The following TMEM161A variants were observed in gnomAD, a reference collection of about 807,000 sequenced individuals.
TMEM161A encodes the protein adaptive response to oxidative stress protein 29.
In TMEM161A, 46 loss-of-function variants were observed where a neutral mutation model predicts 57.1. The ratio of observed to expected loss-of-function variants is 0.81; its 90% CI spans 0.64 to 1.03. The LOEUF (loss-of-function observed/expected upper bound fraction) is 1.03. Among genes scored for constraint, TMEM161A ranks in the 50% least tolerant of loss-of-function variants. The pLI, the probability that TMEM161A is intolerant of heterozygous loss-of-function variation, is 0.00. For synonymous variants in TMEM161A, 288 were observed against 279.0 expected (o/e 1.03, Z -0.32); for missense variants, 601 against 621.5 (o/e 0.97, Z 0.35).
rs1403246850 is a variant in TMEM161A, at chr19:19,120,111, A to G, written c.1259T>C (p.Ile420Thr). 6.4e-7 allele frequency: 1 copy of G among 1,573,052 alleles called. No homozygotes were observed. Among genetic ancestry groups the G allele is most frequent in the Non-Finnish European group, 8.6e-7 (1 of 1,159,574 alleles). The change falls in exon 12 of 12, where the codon ATC (isoleucine) becomes ACC (threonine). Residue 420 changes from isoleucine (I) to threonine (T), a missense_variant. Coordinates refer to ENST00000162044, the MANE Select transcript of TMEM161A (RefSeq NM_017814.3). ...CTGGACTTCGTCCTCCCCAGAGCCG[A>G]TGGGGGCAGCGCTGGCTGAGGATGG... ...PDPSSASAAP[I>T]GSGEDEVQQT...
At position 19,121,734 on chromosome 19, in the gene TMEM161A, T is replaced by G; in HGVS notation, c.656+25A>C. The G allele has an allele frequency of 6.2e-7, 1 of 1,613,502 alleles. No homozygotes were observed. The highest frequency in any genetic ancestry group is 1.1e-5 in the South Asian group (1 of 91,068). The stretch of plus-strand genomic sequence containing the variant: ...GGGAGGGTCCCAGCCTGCCCTTGCC[T>G]CCCTCCCCCATTCCCAGGACTCACG... On this transcript the variant is annotated intron_variant, in intron 7 of 11. Transcript: ENST00000162044. The surrounding 1 kb of genome is among the most constrained non-coding windows in gnomAD (Gnocchi z 5.8).
rs529020342 is a variant in TMEM161A, at chr19:19,125,609, C to T, written c.596-3790G>A. Among the ~76,000 whole-genome samples the T allele has an allele frequency of 6.9e-3, 1,027 of 149,578 alleles. 4 individuals are homozygous for T. The highest frequency in any genetic ancestry group is 0.011 in the Non-Finnish European group (757 of 67,356). ...TTGGCTCACTGCAAGCTCCACCTCCCGGGTTCACGCCATTCTCCTGCCTCA... is the reference window on the plus strand; with the variant it reads ...TTGGCTCACTGCAAGCTCCACCTCCTGGGTTCACGCCATTCTCCTGCCTCA... On this transcript the variant is annotated intron_variant, in intron 6 of 11. Transcript: ENST00000162044.
chr19:19,126,328 T>C (rs981109059), intron 6 of TMEM161A, among the ~76,000 whole-genome samples: 6 of 152,206 alleles, frequency 3.9e-5, no homozygotes, highest in Non-Finnish European at 7.3e-5. Context: ...GATGCATGTA[T>C]GCAGACGGAA....
At chr19:19,133,490 G>T in intron 2 of TMEM161A, 1 of 385,132 alleles carries the variant, frequency 2.6e-6, no homozygotes, top group South Asian at 4.1e-5. Context: ...TTTTCTTTTT[G>T]AGACAGAGTC....
Position 19,123,997 on chromosome 19 carries a change from T to G in TMEM161A, c.596-2178A>C, listed in dbSNP as rs572770704. On this transcript the variant is annotated intron_variant, in intron 6 of 11. Coordinates refer to ENST00000162044, the MANE Select transcript of TMEM161A (RefSeq NM_017814.3). ...TGAACCCAGGAGGTGGAGGTTGCAG[T>G]GAGCCGAGATTGCGCCACTGCACTC... Among the ~76,000 whole-genome samples, 167 of 151,374 alleles carry G rather than the reference T, an allele frequency of 1.1e-3. No individual in the cohort carries two copies. The South Asian group carries it at 0.014, about 12-fold the overall frequency.
intron 6 of TMEM161A, among the ~76,000 whole-genome samples, chr19:19,127,613 T>C (rs531513276): frequency 1.1e-4 from 16 of 152,050 alleles, no homozygotes; most frequent in South Asian, 4.1e-4. Context: ...TGAGCCACCG[T>C]GCCTGGCAGT....
chr19:19,130,374 T>G (rs542674002), intron 5 of TMEM161A, 67 bp from the exon 6 acceptor site: 1 of 1,588,674 alleles, frequency 6.3e-7, no homozygotes. Context: ...CCACACTCCG[T>G]CTGGGACCCC....
rs1279012110 is a variant in TMEM161A at position 19,121,180 on chromosome 19, G to A, written c.915-14C>T. 1.3e-6 allele frequency: 2 copies of A among 1,591,928 alleles called. No individual in the cohort carries two copies. Among genetic ancestry groups the A allele is most frequent in the East Asian group, 2.3e-5 (1 of 44,270 alleles). On this transcript the variant is annotated splice_polypyrimidine_tract_variant and intron_variant, in intron 9 of 11. Coordinates refer to ENST00000162044, the MANE Select transcript of TMEM161A (RefSeq NM_017814.3). The surrounding 1 kb of genome is among the most constrained non-coding windows in gnomAD (Gnocchi z 5.8). Reference sequence around the variant, plus strand: ...GAATCGGACAGCCTGTGCGGAGAGGGCCGGGGGCAAGGGACTAAGAAGGTC... The same window carrying A: ...GAATCGGACAGCCTGTGCGGAGAGGACCGGGGGCAAGGGACTAAGAAGGTC...
chr19:19,126,244 T>C (rs1001738643), intron 6 of TMEM161A, among the ~76,000 whole-genome samples: 9 of 151,356 alleles, frequency 5.9e-5, no homozygotes, highest in Non-Finnish European at 1.3e-4. Flanking sequence ...TCAACTAAAA[T>C]AATCAACTTC....
rs150166678 is a variant in TMEM161A at position 19,132,669 on chromosome 19, C to T, written c.274G>A (p.Val92Met). The change falls in exon 4 of 12, where the codon GTG (valine) becomes ATG (methionine). Residue 92 changes from valine to methionine, a missense_variant. Coordinates refer to ENST00000162044, the MANE Select transcript of TMEM161A (RefSeq NM_017814.3). This position sits in a 1 kb window ranked among gnomAD's most constrained non-coding sequence, Gnocchi z 4.3. ...FQLETCPLTT[V>M]DALVLRFFLE... Reference sequence around the variant, plus strand: ...ACTGGGCTATTACCCAGGGCATCCACGGTCGTGAGGGGGCAGGTCTCCAGC... The same window carrying T: ...ACTGGGCTATTACCCAGGGCATCCATGGTCGTGAGGGGGCAGGTCTCCAGC... 35 of 1,571,528 alleles carry T rather than the reference C, an allele frequency of 2.2e-5. No individual in the cohort carries two copies. The highest frequency in any genetic ancestry group is 1.7e-4 in the Middle Eastern group (1 of 5,858).
rs531453523 is a variant in TMEM161A, at chr19:19,130,405, C to T, written c.444-98G>A. 1,455 of 1,488,046 alleles carry T rather than the reference C, an allele frequency of 9.8e-4. 6 individuals are homozygous for T. Among genetic ancestry groups the T allele is most frequent in the Non-Finnish European group, 1.2e-3 (1,324 of 1,085,672 alleles). 92.2% of individuals were successfully genotyped at this position (1,488,046 alleles called of 1,614,324 possible). A position where few individuals can be genotyped will look rare whatever the true frequency, so the allele number is the denominator to read the frequency against. On this transcript the variant is annotated intron_variant, in intron 5 of 11. Transcript: ENST00000162044. ...ACCCCAGAACTCCAGGGAACAAGCA[C>T]TGCTGCACAAATAGGCCTTGGGGAT... is the stretch of plus-strand genomic sequence containing the variant.
rs1210321812 is a variant in TMEM161A, at chr19:19,121,165, G to C, written c.916C>G (p.Leu306Val). 6.2e-7 allele frequency: 1 copy of C among 1,602,902 alleles called. No homozygotes were observed. The highest frequency in any genetic ancestry group is 1.7e-5 in the Admixed American group (1 of 58,488). ...PPFGETRFSL[L>V]SDSAFDSGRL... ...CCAGAGTCGAAGGCAGAATCGGACA[G>C]CCTGTGCGGAGAGGGCCGGGGGCAA... The change falls in exon 10 of 12, where the codon CTG (leucine) becomes GTG (valine). Residue 306 changes from leucine (L) to valine (V), a missense_variant and splice_region_variant. Physicochemically the swap from Leu to Val is conservative, Grantham distance 32. Transcript: ENST00000162044. The surrounding 1 kb of genome is among the most constrained non-coding windows in gnomAD (Gnocchi z 5.8).
At chr19:19,120,257 G>A (rs1297810520) in intron 11 of TMEM161A, 74 bp from the exon 12 acceptor site, 7 of 1,275,186 alleles carry the variant, frequency 5.5e-6, no homozygotes, top group East Asian at 2.5e-5. Context: ...TGGCACGGGG[G>A]GCCAGGCCCA....
chr19:19,132,518 G>A lies in TMEM161A; in HGVS notation c.287-10C>T, dbSNP rs1027712112. ...AGGAAGAAGCGCAGGACTGTGGGGGGCACTCTGCTCAGCCCTGGGGCCCAG... is the reference window on the plus strand; with the variant it reads ...AGGAAGAAGCGCAGGACTGTGGGGGACACTCTGCTCAGCCCTGGGGCCCAG... On this transcript the variant is annotated splice_polypyrimidine_tract_variant and intron_variant, in intron 4 of 11. Transcript: ENST00000162044. The surrounding 1 kb of genome is among the most constrained non-coding windows in gnomAD (Gnocchi z 4.3). 6.2e-7 allele frequency: 1 copy of A among 1,612,202 alleles called. No individual in the cohort carries two copies. Among genetic ancestry groups the A allele is most frequent in the South Asian group, 1.1e-5 (1 of 90,854 alleles).
At chr19:19,125,580 G>C (rs1231684246) in intron 6 of TMEM161A, among the ~76,000 whole-genome samples, 1 of 149,438 alleles carries the variant, frequency 6.7e-6, no homozygotes, top group South Asian at 2.1e-4. Context: ...GCAGTGGCGC[G>C]ATCTTGGCTC....
At chr19:19,133,034 T>A (rs10414676) in intron 3 of TMEM161A, 96 bp downstream of exon 3, 1 of 1,194,752 alleles carries the variant, frequency 8.4e-7, no homozygotes, top group South Asian at 1.5e-5. Flanking sequence ...GGGCCGGTCC[T>A]GTGTCCCTGA....
At position 19,132,646 on chromosome 19, in the gene TMEM161A, T is replaced by G; in HGVS notation, c.286+11A>C. On this transcript the variant is annotated intron_variant, in intron 4 of 11. Coordinates refer to ENST00000162044, the MANE Select transcript of TMEM161A (RefSeq NM_017814.3). This position sits in a 1 kb window ranked among gnomAD's most constrained non-coding sequence, Gnocchi z 4.3. ...AGGGAGTAGAGTTTAGGGATGGGAC[T>G]GGGCTATTACCCAGGGCATCCACGG... The G allele has an allele frequency of 6.4e-7, 1 of 1,564,448 alleles. No individual in the cohort carries two copies. The highest frequency in any genetic ancestry group is 8.7e-7 in the Non-Finnish European group (1 of 1,154,452).
intron 1 of TMEM161A, 92 bp from the exon 2 acceptor site, chr19:19,134,979 G>T: frequency 1.1e-6 from 1 of 901,862 alleles, no homozygotes; most frequent in Admixed American, 2.2e-5. Flanking sequence ...GAGAAGTCAG[G>T]CTGGATGGGG....
chr19:19,136,229 C>G (rs1031145268), intron 1 of TMEM161A, among the ~76,000 whole-genome samples: 2 of 152,006 alleles, frequency 1.3e-5, no homozygotes, highest in Admixed American at 6.6e-5. Flanking sequence ...CTGGAATTAT[C>G]ATCAAAATGA....
Sources: allele counts gnomAD v4.1 joint callset (sites outside exome capture counted in the v4.1 genomes callset), GRCh38; gene constraint gnomAD v4.1.1; non-coding constraint Gnocchi (gnomAD v3.1); transcripts MANE v1.5; gene names NCBI Gene and HGNC (gene_info 2026-07-23, HGNC 2026-07-21).